Variants in DYNC2H1 observed in about 807,000 individuals in gnomAD.
DYNC2H1 encodes the protein dynein cytoplasmic 2 heavy chain 1.
A neutral mutation model predicts 570.0 loss-of-function variants in DYNC2H1; 410 were observed. That is an observed-to-expected ratio of 0.72 (90% CI 0.66 to 0.78). DYNC2H1 has a LOEUF of 0.78. Among genes scored for constraint, DYNC2H1 ranks in the 30% least tolerant of loss-of-function variants. The pLI is 0.00. For synonymous variants in DYNC2H1, 1,688 were observed against 1,677.6 expected, an observed-to-expected ratio of 1.01 and a Z score of -0.15; for missense variants, 4,865 against 5,046.4, an observed-to-expected ratio of 0.96 and a Z score of 1.09.
At chr11:103,361,764 TTA>T (rs1202012496) in intron 83 of DYNC2H1, among the ~76,000 whole-genome samples, 1 of 152,026 alleles carries the variant, frequency 6.6e-6, no homozygotes, top group African/African-American at 2.4e-5. Flanking sequence ...TTTAGAGTTA[TTA>T]TAGGGAAACA....
At chr11:103,192,425 C>G (rs1862356371) in intron 47 of DYNC2H1, among the ~76,000 whole-genome samples, 161 bp downstream of exon 47, 1 of 151,960 alleles carries the variant, frequency 6.6e-6, no homozygotes, top group Non-Finnish European at 1.5e-5. Flanking sequence ...TGCTGGATTT[C>G]AGTAATCATG....
intron 83 of DYNC2H1, among the ~76,000 whole-genome samples, chr11:103,366,874 TG>T (rs1837176878): frequency 6.6e-6 from 1 of 152,200 alleles, no homozygotes; most frequent in African/African-American, 2.4e-5. Flanking sequence ...CCTTGAAATT[TG>T]ATATCCCTTT....
rs1861517083 is a variant in DYNC2H1 at position 103,170,296 on chromosome 11, A to C, written c.5151+6A>C. The C allele has an allele frequency of 1.3e-6, 2 of 1,551,336 alleles. No homozygotes were observed. Among genetic ancestry groups the C allele is most frequent in the Non-Finnish European group, 1.7e-6 (2 of 1,153,470 alleles). On this transcript the variant is annotated splice_donor_region_variant and intron_variant, in intron 33 of 88. Coordinates refer to ENST00000375735, the MANE Select transcript of DYNC2H1 (RefSeq NM_001377.3). This position sits in a 1 kb window ranked among gnomAD's most constrained non-coding sequence, Gnocchi z 4.8. ...TAGTCTTTAATTGTGATGAGGTAGA[A>C]TAAATAATTATCAAAATATGTAACA...
chr11:103,143,517 A>G lies in DYNC2H1; in HGVS notation c.2702+122A>G, dbSNP rs17099980. On this transcript the variant is annotated intron_variant, in intron 18 of 88. Coordinates refer to ENST00000375735, the MANE Select transcript of DYNC2H1 (RefSeq NM_001377.3). ...TTCTTGCCTCCTCCAGATCTCATTT[A>G]TGACACTTGAGTATCATCTAGGTAG... The G allele has an allele frequency of 2.2e-3, 2,124 of 984,422 alleles. 24 individuals carry two copies. The African/African-American group carries it at 0.029, about 13-fold the overall frequency. 61.0% of individuals were successfully genotyped at this position (984,422 alleles called of 1,614,324 possible).
intron 70 of DYNC2H1, among the ~76,000 whole-genome samples, chr11:103,265,155 GAAC>G (rs989578493): frequency 6.6e-5 from 10 of 152,138 alleles, no homozygotes; most frequent in African/African-American, 2.4e-4. Context: ...GGTAGGAGTT[GAAC>G]AATAAGAACA....
chr11:103,155,653 A>G (rs552400280), intron 25 of DYNC2H1, among the ~76,000 whole-genome samples, 152 bp downstream of exon 25: 3 of 152,310 alleles, frequency 2.0e-5, no homozygotes, highest in South Asian at 2.1e-4. Context: ...TACATAAAAT[A>G]CATAAAAAAT....
intron 84 of DYNC2H1, chr11:103,407,922 A>C (rs930624428): frequency 6.6e-6 from 1 of 151,960 alleles, no homozygotes; most frequent in East Asian, 1.9e-4. Flanking sequence ...ACTTATCAGA[A>C]CTGATAATAG....
At position 103,439,454 on chromosome 11, in the gene DYNC2H1, G is replaced by C. The variant is rs1040145106; in HGVS notation, c.12456+3422G>C. Among the ~76,000 whole-genome samples, 2 of 152,160 alleles carry C rather than the reference G, an allele frequency of 1.3e-5. No homozygotes were observed. Among genetic ancestry groups the C allele is most frequent in the Admixed American group, 6.6e-5 (1 of 15,264 alleles). On this transcript the variant is annotated intron_variant, in intron 85 of 88. Transcript: ENST00000375735. The surrounding 1 kb of genome is among the most constrained non-coding windows in gnomAD (Gnocchi z 4.1). ...TGGAGGGCAAGAGGGGCCAAATCAT[G>C]ATAATGTATTAAGGAATTATATTTT... is the stretch of plus-strand genomic sequence containing the variant.
chr11:103,479,372 T>C lies in DYNC2H1; in HGVS notation c.*119T>C, dbSNP rs1336771875. 4.6e-5 allele frequency: 54 copies of C among 1,168,588 alleles called. No individual in the cohort carries two copies. The highest frequency in any genetic ancestry group is 6.1e-5 in the Non-Finnish European group (54 of 880,688). 72.4% of individuals were successfully genotyped at this position (1,168,588 alleles called of 1,614,324 possible). A position where few individuals can be genotyped will look rare whatever the true frequency, so the allele number is the denominator to read the frequency against. On this transcript the variant is annotated 3_prime_UTR_variant, in exon 89 of 89. Transcript: ENST00000375735. ...AGTTCAAAATATTAACATATAGTTATGTTGTTGATGTCACTGAAATTTTAA... is the reference window on the plus strand; with the variant it reads ...AGTTCAAAATATTAACATATAGTTACGTTGTTGATGTCACTGAAATTTTAA...
rs1233520231 is a variant in DYNC2H1 at position 103,170,149 on chromosome 11, G to C, written c.5010G>C (p.Lys1670Asn). The part of the protein sequence containing the change: ...SKLVYTPLTD[K>N]CYLTLTQAMK... Reference sequence around the variant, plus strand: ...TGGTTTATACTCCACTGACAGACAAGTGCTACTTAACTCTCACTCAAGCCA... The same window carrying C: ...TGGTTTATACTCCACTGACAGACAACTGCTACTTAACTCTCACTCAAGCCA... The change falls in exon 33 of 89, where the codon AAG (lysine) becomes AAC (asparagine). Residue 1670 changes from lysine (K) to asparagine (N), a missense_variant. By Grantham distance (94) the Lys-to-Asn change is moderately conservative. Coordinates refer to ENST00000375735, the MANE Select transcript of DYNC2H1 (RefSeq NM_001377.3). This position sits in a 1 kb window ranked among gnomAD's most constrained non-coding sequence, Gnocchi z 4.8. 6.2e-7 allele frequency: 1 copy of C among 1,613,076 alleles called. No individual in the cohort carries two copies. The highest frequency in any genetic ancestry group is 1.3e-5 in the African/African-American group (1 of 75,004).
At chr11:103,455,034 A>G in intron 85 of DYNC2H1, 152 bp from the exon 86 acceptor site, 1 of 531,306 alleles carries the variant, frequency 1.9e-6, no homozygotes. Context: ...GCCAGACTTT[A>G]CAATGTAAAA....
intron 17 of DYNC2H1, among the ~76,000 whole-genome samples, chr11:103,140,594 G>A (rs1859855344): frequency 6.6e-6 from 1 of 152,142 alleles, no homozygotes; most frequent in Admixed American, 6.5e-5. Context: ...TTAGTCTGAT[G>A]GGCTTCCCTT....
Position 103,186,442 on chromosome 11 carries a change from G to C in DYNC2H1, c.6834G>C (p.Trp2278Cys). ...MQRGLDYFKP[W>C]LSSDTKQPFI... ...GAGGTCTAGATTATTTCAAACCATG[G>C]TTAAGTTCTGATACTAAACAGCCCT... The change falls in exon 42 of 89, where the codon TGG (tryptophan) becomes TGC (cysteine). Residue 2278 changes from tryptophan to cysteine, a missense_variant. By Grantham distance (215) the Trp-to-Cys change is radical. Transcript: ENST00000375735. The surrounding 1 kb of genome is among the most constrained non-coding windows in gnomAD (Gnocchi z 4.5). 6.2e-7 allele frequency: 1 copy of C among 1,612,538 alleles called. No individual in the cohort carries two copies. The highest frequency in any genetic ancestry group is 8.5e-7 in the Non-Finnish European group (1 of 1,179,106).
rs2135335540 is a variant in DYNC2H1 at position 103,280,171 on chromosome 11, T to TG, written c.10696-176dup. ...CACTTACTTACTCTGACCCCACCCC[T>TG]GACTTGAAGTGTCTCTAAGATGTAG... On this transcript the variant is annotated intron_variant, in intron 70 of 88. Coordinates refer to ENST00000375735, the MANE Select transcript of DYNC2H1 (RefSeq NM_001377.3). The surrounding 1 kb of genome is among the most constrained non-coding windows in gnomAD (Gnocchi z 4.7). Among the ~76,000 whole-genome samples the TG allele has an allele frequency of 6.6e-6, 1 of 152,290 alleles. No homozygotes were observed. Among genetic ancestry groups the TG allele is most frequent in the South Asian group, 2.1e-4 (1 of 4,830 alleles).
chr11:103,231,035 G>A (rs929329729), intron 59 of DYNC2H1, among the ~76,000 whole-genome samples: 1 of 152,058 alleles, frequency 6.6e-6, no homozygotes, highest in African/African-American at 2.4e-5. Flanking sequence ...AAATTTACAC[G>A]TATGAGTGTT....
At position 103,189,958 on chromosome 11, in the gene DYNC2H1, CA is replaced by C. The variant is rs1398497716; in HGVS notation, c.7437+143del. On this transcript the variant is annotated intron_variant, in intron 45 of 88. Transcript: ENST00000375735. This position sits in a 1 kb window ranked among gnomAD's most constrained non-coding sequence, Gnocchi z 4.3. ...TTCTAGTAGAGAGTAACTGTGAAGA[CA>C]GGTGCTGTGTGTGCCTTATTCACTG... 4 of 828,810 alleles carry C rather than the reference CA, an allele frequency of 4.8e-6. No individual in the cohort carries two copies. The highest frequency in any genetic ancestry group is 7.3e-6 in the Non-Finnish European group (4 of 550,644). 51.3% of individuals were successfully genotyped at this position (828,810 alleles called of 1,614,324 possible).
intron 34 of DYNC2H1, 140 bp from the exon 35 acceptor site, chr11:103,172,942 A>C: frequency 3.1e-6 from 1 of 319,238 alleles, no homozygotes; most frequent in Admixed American, 5.4e-5. Flanking sequence ...TATAAGATTT[A>C]TGTGTAGTAA....
In DYNC2H1 at chr11:103,168,871, A is replaced by G; in HGVS notation, c.4879A>G (p.Lys1627Glu). 6.2e-7 allele frequency: 1 copy of G among 1,613,306 alleles called. No homozygotes were observed. The highest frequency in any genetic ancestry group is 8.5e-7 in the Non-Finnish European group (1 of 1,179,538). The change falls in exon 32 of 89, where the codon AAA becomes GAA. Residue 1627 changes from lysine (K) to glutamate (E), a missense_variant. By Grantham distance (56) the Lys-to-Glu change is moderately conservative. Transcript: ENST00000375735. ...TCATACAACTGAAGACTGGGCTTGG[A>G]AAAAACAACTTAGATTCTATATGAA... ...QVHTTEDWAW[K>E]KQLRFYMKSD... is the part of the protein sequence containing the mutation.
intron 17 of DYNC2H1, 67 bp from the exon 18 acceptor site, chr11:103,143,201 T>G: frequency 6.6e-7 from 1 of 1,525,022 alleles, no homozygotes; most frequent in Non-Finnish European, 8.9e-7. Flanking sequence ...AGTTGAATCC[T>G]ATTCTATTAT....
Sources: allele counts gnomAD v4.1 joint callset (sites outside exome capture counted in the v4.1 genomes callset), GRCh38; gene constraint gnomAD v4.1.1; non-coding constraint Gnocchi (gnomAD v3.1); transcripts MANE v1.5; gene names NCBI Gene and HGNC (gene_info 2026-07-23, HGNC 2026-07-21).